The following CMIP variants were observed in gnomAD, a reference collection of about 807,000 sequenced individuals.
The protein encoded by CMIP is c-Maf inducing protein.
A neutral mutation model predicts 97.3 loss-of-function variants in CMIP; 13 were observed. That is an observed-to-expected ratio of 0.13 (90% confidence interval 0.09 to 0.21). CMIP has a LOEUF of 0.21. CMIP is among the 10% of genes least tolerant of loss of function. The probability of loss-of-function intolerance (pLI) is 1.00; values close to 1 mark genes in which losing one functional copy is unlikely to be tolerated. For missense variants in CMIP, 847 were observed against 1,024.9 expected, an observed-to-expected ratio of 0.83 and a Z score of 2.37; for synonymous variants, 538 against 436.3, an observed-to-expected ratio of 1.23 and a Z score of -2.91.
chr16:81,573,661 G>C (rs977421430), intron 1 of CMIP, among the ~76,000 whole-genome samples: 1 of 152,212 alleles, frequency 6.6e-6, no homozygotes, highest in African/African-American at 2.4e-5. Flanking sequence ...GGTCTAGCCA[G>C]CAGGACATCA....
chr16:81,568,089 G>C (rs1293167401), intron 1 of CMIP, among the ~76,000 whole-genome samples: 1 of 144,294 alleles, frequency 6.9e-6, no homozygotes, highest in African/African-American at 2.6e-5. Flanking sequence ...ACAGAAAAGA[G>C]GCCCATTTTG....
chr16:81,657,736 G>T, intron 4 of CMIP, 39 bp from the exon 5 acceptor site: 3 of 1,530,906 alleles, frequency 2.0e-6, no homozygotes, highest in Non-Finnish European at 2.7e-6. Context: ...ATTTTCTTTT[G>T]TTTTGTTTTC....
At chr16:81,549,196 AGGGAGCC>A (rs2090606576) in intron 1 of CMIP, among the ~76,000 whole-genome samples, 1 of 152,208 alleles carries the variant, frequency 6.6e-6, no homozygotes, top group Non-Finnish European at 1.5e-5. Context: ...CAGGATGAGG[AGGGAGCC>A]GGTCAACCTG....
intron 1 of CMIP, among the ~76,000 whole-genome samples, chr16:81,560,285 C>G (rs895920266): frequency 1.3e-5 from 2 of 150,748 alleles, no homozygotes; most frequent in East Asian, 2.0e-4. Context: ...GTGGCGCAAT[C>G]TCGGCTCGCT....
intron 10 of CMIP, among the ~76,000 whole-genome samples, chr16:81,689,223 G>A (rs1490683934): frequency 6.6e-6 from 1 of 152,208 alleles, no homozygotes; most frequent in Non-Finnish European, 1.5e-5. Context: ...GATCCTCAAG[G>A]CATCTCCACA....
chr16:81,690,111 T>C (rs1271352826), intron 10 of CMIP, among the ~76,000 whole-genome samples: 2 of 152,218 alleles, frequency 1.3e-5, no homozygotes, highest in Non-Finnish European at 2.9e-5. Flanking sequence ...TTTGTTCTTT[T>C]GGCTTAGGAT....
At chr16:81,708,495 A>T (rs898122818) in intron 20 of CMIP, among the ~76,000 whole-genome samples, 1 of 152,256 alleles carries the variant, frequency 6.6e-6, no homozygotes, top group African/African-American at 2.4e-5. Flanking sequence ...CCCCTTGGGA[A>T]GAAAAATCAC....
chr16:81,546,341 C>T (rs2090545995), intron 1 of CMIP, among the ~76,000 whole-genome samples: 2 of 152,150 alleles, frequency 1.3e-5, no homozygotes, highest in African/African-American at 4.8e-5. Flanking sequence ...CTCTCAATGC[C>T]AGGCAGGACA....
At chr16:81,696,722 C>T (rs1424885516) in intron 14 of CMIP, 55 bp downstream of exon 14, 1 of 1,522,254 alleles carries the variant, frequency 6.6e-7, no homozygotes, top group Non-Finnish European at 8.9e-7. Context: ...GCTTGCCATG[C>T]CTGACTAGTA....
chr16:81,693,226 C>G (rs369733073), intron 12 of CMIP, 42 bp downstream of exon 12: 1 of 1,585,614 alleles, frequency 6.3e-7, no homozygotes, highest in Non-Finnish European at 8.6e-7. Flanking sequence ...CTGGCACGCA[C>G]GGCCTCTGTC....
chr16:81,526,581 T>G (rs28651456), intron 1 of CMIP, among the ~76,000 whole-genome samples: 8,134 of 152,320 alleles, frequency 0.053, 252 homozygotes, highest in Middle Eastern at 0.085. Flanking sequence ...AAGGGATATT[T>G]TGATAGCTGT....
chr16:81,629,959 C>T (rs1337218141), intron 3 of CMIP, among the ~76,000 whole-genome samples: 1 of 152,230 alleles, frequency 6.6e-6, no homozygotes, highest in African/African-American at 2.4e-5. Flanking sequence ...GTTACTGGGC[C>T]AGAGAGGAGG....
At chr16:81,685,182 C>T (rs552106347) in intron 10 of CMIP, among the ~76,000 whole-genome samples, 16 of 152,314 alleles carry the variant, frequency 1.1e-4, no homozygotes, top group African/African-American at 3.1e-4. Context: ...TGGTCTGGGC[C>T]GAGGCAAGGA....
intron 6 of CMIP, 33 bp downstream of exon 6, chr16:81,660,979 A>G: frequency 1.9e-6 from 3 of 1,613,498 alleles, no homozygotes; most frequent in Non-Finnish European, 2.5e-6. Flanking sequence ...CTGTGGCTGC[A>G]GGAAGTAACC....
At chr16:81,662,106 T>C (rs1251347101) in intron 6 of CMIP, among the ~76,000 whole-genome samples, 4 of 151,602 alleles carry the variant, frequency 2.6e-5, no homozygotes, top group Admixed American at 6.6e-5. Flanking sequence ...CCCAGAAGAG[T>C]GGAATTAAAT....
chr16:81,691,286 G>T (rs1469782187), intron 10 of CMIP, among the ~76,000 whole-genome samples: 3 of 152,186 alleles, frequency 2.0e-5, no homozygotes, highest in Admixed American at 6.5e-5. Flanking sequence ...GTCCTGGCTG[G>T]TCTTTGCTCT....
intron 6 of CMIP, 111 bp from the exon 7 acceptor site, chr16:81,664,158 G>A (rs764619895): frequency 4.9e-5 from 47 of 963,488 alleles, no homozygotes; most frequent in Non-Finnish European, 7.1e-5. Context: ...GTTCATCAAG[G>A]GAACCCAGGC....
intron 16 of CMIP, 65 bp from the exon 17 acceptor site, chr16:81,702,557 G>C (rs372733482): frequency 2.1e-6 from 3 of 1,461,750 alleles, no homozygotes; most frequent in Non-Finnish European, 2.9e-6. Flanking sequence ...TGTTAACAGA[G>C]GTGGAAGTCT....
intron 1 of CMIP, among the ~76,000 whole-genome samples, chr16:81,577,528 A>G: frequency 6.8e-6 from 1 of 146,224 alleles, no homozygotes; most frequent in Non-Finnish European, 1.5e-5. Context: ...CACCACCATC[A>G]TCCCCATTAC....
Sources: allele counts gnomAD v4.1 joint callset (sites outside exome capture counted in the v4.1 genomes callset), GRCh38; gene constraint gnomAD v4.1.1; transcripts MANE v1.5; gene names NCBI Gene and HGNC (gene_info 2026-07-23, HGNC 2026-07-21).